The following CCDC141 variants were observed in gnomAD, a reference collection of about 807,000 sequenced individuals.
The protein encoded by CCDC141 is coiled-coil domain containing 141, also known as coiled-coil domain-containing protein 141.
CCDC141 carries 168 observed loss-of-function variants against 181.0 expected under a neutral mutation model. The observed-to-expected ratio is 0.93, with a 90% CI of 0.82 to 1.05. The LOEUF (loss-of-function observed/expected upper bound fraction) is 1.05. CCDC141 is among the 50% of genes least tolerant of loss of function. The pLI, the probability that CCDC141 is intolerant of heterozygous loss-of-function variation, is 0.00. For synonymous variants in CCDC141, 666 were observed against 642.3 expected (o/e 1.04, Z -0.56); for missense variants, 1,902 against 1,788.5 (o/e 1.06, Z -1.14).
intron 2 of CCDC141, among the ~76,000 whole-genome samples, chr2:179,013,258 T>C (rs562085635): frequency 2.0e-5 from 3 of 152,156 alleles, no homozygotes; most frequent in Admixed American, 2.0e-4. Context: ...GATAAAAGAA[T>C]GCAGCAAAGT....
chr2:178,901,373 C>A (rs1045759802), intron 8 of CCDC141, among the ~76,000 whole-genome samples: 2 of 151,958 alleles, frequency 1.3e-5, no homozygotes, highest in African/African-American at 4.8e-5. Flanking sequence ...TACTGGCAAA[C>A]CGAATCCAGC....
chr2:178,871,284 C>A, intron 14 of CCDC141, 143 bp downstream of exon 14: 1 of 954,888 alleles, frequency 1.0e-6, no homozygotes. Flanking sequence ...AAAAATGTCT[C>A]TACAGTGGAT....
intron 2 of CCDC141, among the ~76,000 whole-genome samples, chr2:179,013,532 A>G (rs1040876714): frequency 6.6e-6 from 1 of 152,194 alleles, no homozygotes; most frequent in Non-Finnish European, 1.5e-5. Flanking sequence ...GAAAATGATC[A>G]TACTGTCAAA....
intron 2 of CCDC141, among the ~76,000 whole-genome samples, chr2:179,006,155 C>G (rs569383570): frequency 3.9e-4 from 60 of 152,290 alleles, no homozygotes; most frequent in Middle Eastern, 6.8e-3. Context: ...CAATCAATTC[C>G]CTCACTGGAG....
Position 178,855,558 on chromosome 2 carries a change from A to G in CCDC141, c.2866-17T>C. 6.6e-7 allele frequency: 1 copy of G among 1,517,436 alleles called. No homozygotes were observed. The highest frequency in any genetic ancestry group is 8.9e-7 in the Non-Finnish European group (1 of 1,125,198). The allele number at this position is 1,517,436 out of a possible 1,614,324, so 94.0% of individuals were successfully genotyped here. On this transcript the variant is annotated splice_polypyrimidine_tract_variant and intron_variant, in intron 18 of 23. Coordinates refer to ENST00000443758, the MANE Select transcript of CCDC141 (RefSeq NM_173648.4). Reference sequence around the variant, plus strand: ...TTTCAAAGCCTGTGTGAAAAACAAAAAGTTTTTTAAACAACATTCAATTTG... The same window carrying G: ...TTTCAAAGCCTGTGTGAAAAACAAAGAGTTTTTTAAACAACATTCAATTTG...
At chr2:178,950,041 C>T (rs993122096) in intron 5 of CCDC141, among the ~76,000 whole-genome samples, 6 of 152,162 alleles carry the variant, frequency 3.9e-5, no homozygotes, top group South Asian at 2.1e-4. Context: ...GCAATTCAAA[C>T]GACCTTAACA....
At chr2:178,908,091 A>G (rs1575202324) in intron 7 of CCDC141, among the ~76,000 whole-genome samples, 1 of 152,208 alleles carries the variant, frequency 6.6e-6, no homozygotes, top group Admixed American at 6.5e-5. Context: ...TCGAAACATC[A>G]TTTGCCAATA....
chr2:178,981,650 A>ATATATATATATATATATATATG lies in CCDC141; in HGVS notation c.226-2976_226-2975insCATATATATATATATATATATA, dbSNP rs377733700. On this transcript the variant is annotated intron_variant, in intron 2 of 23. Transcript: ENST00000443758. ...TGTGTGTGTGTGTATATATATATAT[A>ATATATATATATATATATATATG]TATATATACATACATATATACATAT... Among the ~76,000 whole-genome samples, 2 of 127,320 alleles carry ATATATATATATATATATATATG rather than the reference A, an allele frequency of 1.6e-5. 1 individual carries two copies. The highest frequency in any genetic ancestry group is 5.7e-5 in the African/African-American group (2 of 34,798). 83.5% of individuals were successfully genotyped at this position (127,320 alleles called of 152,430 possible).
chr2:178,938,515 A>G (rs1361299265), intron 6 of CCDC141, among the ~76,000 whole-genome samples: 1 of 152,056 alleles, frequency 6.6e-6, no homozygotes, highest in Non-Finnish European at 1.5e-5. Flanking sequence ...ATGTCCAATT[A>G]TGCGGTCAAT....
intron 6 of CCDC141, among the ~76,000 whole-genome samples, chr2:178,926,949 G>A (rs1411587325): frequency 6.6e-6 from 1 of 152,004 alleles, no homozygotes; most frequent in African/African-American, 2.4e-5. Flanking sequence ...GCTAAGAAAA[G>A]GTAAAAAATA....
chr2:178,918,578 C>T, intron 7 of CCDC141, 135 bp downstream of exon 7: 3 of 617,394 alleles, frequency 4.9e-6, no homozygotes, highest in South Asian at 2.7e-5. Context: ...ATGTTAAAAG[C>T]TCTCTTTGCT....
intron 17 of CCDC141, among the ~76,000 whole-genome samples, chr2:178,861,938 G>A (rs993414894): frequency 1.3e-5 from 2 of 152,140 alleles, no homozygotes; most frequent in African/African-American, 4.8e-5. Context: ...GTGTTTTGCC[G>A]TCTGTGCAAA....
intron 11 of CCDC141, among the ~76,000 whole-genome samples, chr2:178,879,781 A>G (rs1237131852): frequency 1.3e-5 from 2 of 152,254 alleles, no homozygotes; most frequent in Non-Finnish European, 2.9e-5. Context: ...AATTGTCCAC[A>G]GTGAGAAGGC....
chr2:178,945,487 C>T (rs578245502), intron 5 of CCDC141, among the ~76,000 whole-genome samples: 54 of 152,246 alleles, frequency 3.5e-4, no homozygotes, highest in African/African-American at 1.3e-3. Flanking sequence ...GAAGAGGCAG[C>T]TTATCCACAG....
At position 178,837,545 on chromosome 2, in the gene CCDC141, G is replaced by A. The variant is rs773697882; in HGVS notation, c.3674C>T (p.Ser1225Phe). The change falls in exon 23 of 24, where the codon TCC becomes TTC. Residue 1225 changes from serine to phenylalanine, a missense_variant. By Grantham distance (155) the Ser-to-Phe change is radical (BLOSUM62 -2). Transcript: ENST00000443758. ...CTCCATGTCAGATGGTGCAAGAGGG[G>A]ACTCAGGGCTTCCTGGGAGAGGAGG... ...SLPPLPGSPE[S>F]PLAPSDMEVE... is the part of the protein sequence containing the mutation. 4 of 1,613,786 alleles carry A rather than the reference G, an allele frequency of 2.5e-6. No individual in the cohort carries two copies. Among genetic ancestry groups the A allele is most frequent in the East Asian group, 2.2e-5 (1 of 44,830 alleles).
At chr2:178,874,339 G>A (rs1226493010) in intron 12 of CCDC141, 2 of 152,120 alleles carry the variant, frequency 1.3e-5, no homozygotes, top group African/African-American at 2.4e-5. Flanking sequence ...GAGTGACCGT[G>A]TTTATGACAT....
intron 2 of CCDC141, among the ~76,000 whole-genome samples, chr2:178,990,620 G>C (rs965043528): frequency 2.0e-5 from 3 of 149,590 alleles, no homozygotes; most frequent in Non-Finnish European, 4.4e-5. Context: ...GAAGGGAAGG[G>C]AAGGGAATGG....
intron 5 of CCDC141, among the ~76,000 whole-genome samples, chr2:178,949,442 T>G (rs1315366247): frequency 6.6e-6 from 1 of 152,216 alleles, no homozygotes; most frequent in Non-Finnish European, 1.5e-5. Flanking sequence ...GAGGAAATTC[T>G]TGTAGGTAGG....
intron 22 of CCDC141, among the ~76,000 whole-genome samples, chr2:178,841,400 T>C (rs1198702427): frequency 6.6e-6 from 1 of 152,188 alleles, no homozygotes; most frequent in Non-Finnish European, 1.5e-5. Context: ...TAAATAATCA[T>C]CTCGGGAAGC....
Sources: allele counts gnomAD v4.1 joint callset (sites outside exome capture counted in the v4.1 genomes callset), GRCh38; gene constraint gnomAD v4.1.1; transcripts MANE v1.5; gene names NCBI Gene and HGNC (gene_info 2026-07-23, HGNC 2026-07-21).